Variants in ZFPM1 observed in about 807,000 individuals in gnomAD.
ZFPM1 encodes the protein zinc finger protein ZFPM1.
A neutral mutation model predicts 46.3 loss-of-function variants in ZFPM1; 28 were observed. The ratio of observed to expected loss-of-function variants is 0.60; its 90% confidence interval spans 0.45 to 0.83. The LOEUF is 0.83. ZFPM1 is among the 40% of genes least tolerant of loss of function. The pLI, the probability that ZFPM1 is intolerant of heterozygous loss-of-function variation, is 0.00. For missense variants in ZFPM1, 1,878 were observed against 1,432.4 expected (o/e 1.31, Z -5.02); for synonymous variants, 957 against 675.9 (o/e 1.42, Z -6.45).
intron 6 of ZFPM1, among the ~76,000 whole-genome samples, chr16:88,528,813 C>T (rs1912552880): frequency 6.6e-6 from 1 of 152,236 alleles, no homozygotes; most frequent in African/African-American, 2.4e-5. Context: ...CTCAAGCCAT[C>T]CTGCCTCAGC....
intron 1 of ZFPM1, among the ~76,000 whole-genome samples, chr16:88,477,687 C>T (rs1432865771): frequency 1.3e-5 from 2 of 152,116 alleles, no homozygotes; most frequent in African/African-American, 2.4e-5. Flanking sequence ...AAAGCAAGAC[C>T]CCGTCTCAAA....
chr16:88,490,936 C>T (rs1396320667), intron 3 of ZFPM1, among the ~76,000 whole-genome samples: 3 of 152,162 alleles, frequency 2.0e-5, no homozygotes, highest in Admixed American at 6.5e-5. Flanking sequence ...TTGCTGGCTG[C>T]GTCCCTTCTC....
intron 1 of ZFPM1, among the ~76,000 whole-genome samples, chr16:88,473,941 C>T (rs774387039): frequency 2.0e-5 from 3 of 152,188 alleles, no homozygotes; most frequent in East Asian, 3.9e-4. Flanking sequence ...ATCGGTTCTC[C>T]GGAGTGAAGC....
intron 3 of ZFPM1, among the ~76,000 whole-genome samples, chr16:88,490,748 C>T (rs1261142808): frequency 6.6e-6 from 1 of 152,192 alleles, no homozygotes; most frequent in Admixed American, 6.5e-5. Context: ...AGCTGAGTTA[C>T]ACCTGCATGG....
In ZFPM1 at chr16:88,469,319, C is replaced by A. The variant is rs1474948377; in HGVS notation, c.40+15641C>A. 1.3e-5 allele frequency among the ~76,000 whole-genome samples: 2 copies of A among 152,242 alleles called. No homozygotes were observed. Among genetic ancestry groups the A allele is most frequent in the Non-Finnish European group, 2.9e-5 (2 of 68,040 alleles). ...CCCCTTTGCCCACCCTCAGCCTCCC[C>A]ATCTGTAAAACCGGAAGGCGGTCTA... On this transcript the variant is annotated intron_variant, in intron 1 of 9. Transcript: ENST00000319555. This position sits in a 1 kb window ranked among gnomAD's most constrained non-coding sequence, Gnocchi z 4.3.
At position 88,453,736 on chromosome 16, in the gene ZFPM1, C is replaced by A. The variant is rs1026852128; in HGVS notation, c.40+58C>A. 1,868 of 1,038,176 alleles carry A rather than the reference C, an allele frequency of 1.8e-3. 7 individuals are homozygous for A. Among genetic ancestry groups the A allele is most frequent in the Non-Finnish European group, 1.8e-3 (1,540 of 838,306 alleles). 64.3% of individuals were successfully genotyped at this position (1,038,176 alleles called of 1,614,324 possible). ...GCGCCCGACCCCCGCCGGAGCCCAG[C>A]CGCCAGCGCCGCCCCCGCCCGTCCC... On this transcript the variant is annotated intron_variant, in intron 1 of 9. Coordinates refer to ENST00000319555, the MANE Select transcript of ZFPM1 (RefSeq NM_153813.3).
At chr16:88,474,387 G>A (rs1369654245) in intron 1 of ZFPM1, among the ~76,000 whole-genome samples, 1 of 152,192 alleles carries the variant, frequency 6.6e-6, no homozygotes, top group Non-Finnish European at 1.5e-5. Context: ...CAGCTGCCCG[G>A]CCAGGGTTCC....
intron 1 of ZFPM1, among the ~76,000 whole-genome samples, chr16:88,467,288 T>A (rs1908178850): frequency 6.6e-6 from 1 of 152,204 alleles, no homozygotes; most frequent in South Asian, 2.1e-4. Context: ...TCTGTCCCCA[T>A]GGCCCTGGTT....
chr16:88,455,031 C>G (rs886925832), intron 1 of ZFPM1, among the ~76,000 whole-genome samples: 1 of 152,182 alleles, frequency 6.6e-6, no homozygotes, highest in East Asian at 1.9e-4. Flanking sequence ...CGCCTTCTAT[C>G]GTGTCAACTC....
intron 3 of ZFPM1, among the ~76,000 whole-genome samples, chr16:88,499,373 C>T (rs1297606503): frequency 6.6e-6 from 1 of 152,150 alleles, no homozygotes; most frequent in African/African-American, 2.4e-5. Flanking sequence ...AGACCTCCTC[C>T]AGAGCAGCCG....
At chr16:88,516,890 C>T (rs980577191) in intron 4 of ZFPM1, among the ~76,000 whole-genome samples, 6 of 152,180 alleles carry the variant, frequency 3.9e-5, no homozygotes, top group African/African-American at 1.2e-4. Flanking sequence ...CCGGGATGAA[C>T]AGGGACAGGG....
intron 1 of ZFPM1, among the ~76,000 whole-genome samples, chr16:88,475,540 G>GGGA (rs1433912967): frequency 1.3e-5 from 2 of 151,836 alleles, no homozygotes; most frequent in African/African-American, 4.8e-5. Flanking sequence ...CCAAGAAAAA[G>GGGA]GGAGGAGGAG....
intron 4 of ZFPM1, among the ~76,000 whole-genome samples, chr16:88,525,291 G>C (rs1437512194): frequency 1.3e-5 from 2 of 152,208 alleles, no homozygotes; most frequent in African/African-American, 4.8e-5. Context: ...TCATGGGCTG[G>C]CACCTAGTGG....
rs946048374 is a variant in ZFPM1, at chr16:88,536,796, C to G, written c.*1817C>G. On this transcript the variant is annotated 3_prime_UTR_variant, in exon 10 of 10. Transcript: ENST00000319555. ...AGCAGCCTTTTCCTCACAGACACCC[C>G]TTCTGTTGAAGACCAGGTGATAGCG... 3 of 152,266 alleles carry G rather than the reference C, an allele frequency of 2.0e-5. No individual in the cohort carries two copies. The highest frequency in any genetic ancestry group is 7.2e-5 in the African/African-American group (3 of 41,458). The allele number at this position is 152,266 out of a possible 1,614,324, so 9.4% of individuals were successfully genotyped here.
chr16:88,455,618 G>A (rs906222123), intron 1 of ZFPM1, among the ~76,000 whole-genome samples: 3 of 151,772 alleles, frequency 2.0e-5, no homozygotes, highest in Non-Finnish European at 4.4e-5. Context: ...GAGCGCTTCG[G>A]GCCGCCCACC....
At position 88,469,271 on chromosome 16, in the gene ZFPM1, A is replaced by G. The variant is rs893245349; in HGVS notation, c.40+15593A>G. Among the ~76,000 whole-genome samples, 6 of 152,196 alleles carry G rather than the reference A, an allele frequency of 3.9e-5. No individual in the cohort carries two copies. The highest frequency in any genetic ancestry group is 8.8e-5 in the Non-Finnish European group (6 of 68,030). ...CCGGCCGGGCCAGGGACGTGGCACC[A>G]TCTTAATGAATGACAGTCCCAACCC... On this transcript the variant is annotated intron_variant, in intron 1 of 9. Coordinates refer to ENST00000319555, the MANE Select transcript of ZFPM1 (RefSeq NM_153813.3). The surrounding 1 kb of genome is among the most constrained non-coding windows in gnomAD (Gnocchi z 4.3).
chr16:88,505,017 C>T (rs1387257861), intron 3 of ZFPM1, among the ~76,000 whole-genome samples: 4 of 152,226 alleles, frequency 2.6e-5, no homozygotes, highest in African/African-American at 7.2e-5. Context: ...GGGTTCAGCC[C>T]GATAAAGATG....
chr16:88,505,118 G>A lies in ZFPM1; in HGVS notation c.269-9269G>A, dbSNP rs192870598. ...CACAGGCACCAGCTGGCGGGTGGGC[G>A]GGGCGAGGCTGGGGGCTGCAGCACC... On this transcript the variant is annotated intron_variant, in intron 3 of 9. Transcript: ENST00000319555. 1.2e-4 allele frequency among the ~76,000 whole-genome samples: 19 copies of A among 152,346 alleles called. No homozygotes were observed. In the East Asian group the frequency reaches 2.7e-3, roughly 22 times the overall value.
In ZFPM1 at chr16:88,526,917, G is replaced by C; in HGVS notation, c.505+1G>C. On this transcript the variant is annotated splice_donor_variant, in intron 5 of 9. Coordinates refer to ENST00000319555, the MANE Select transcript of ZFPM1 (RefSeq NM_153813.3). LOFTEE classifies it high-confidence loss of function. The stretch of plus-strand genomic sequence containing the variant: ...GCCAACACAGAGATCCACAGGAAGG[G>C]TCAGTATGACGCGGCACCTCCGTCC... 1 of 1,569,408 alleles carries C rather than the reference G, an allele frequency of 6.4e-7. No individual in the cohort carries two copies. Among genetic ancestry groups the C allele is most frequent in the Non-Finnish European group, 8.6e-7 (1 of 1,157,062 alleles).
Sources: gnomAD v4.1 joint callset for allele counts (sites outside exome capture counted in the v4.1 genomes callset) on GRCh38, gnomAD v4.1.1 for gene constraint, Gnocchi (gnomAD v3.1) non-coding constraint, MANE v1.5 for transcripts, NCBI Gene and HGNC (gene_info 2026-07-23, HGNC 2026-07-21) for gene names.